FHIT: variants seen among roughly 807,000 people sequenced by gnomAD.
FHIT encodes the protein fragile histidine triad diadenosine triphosphatase, also known as bis(5'-adenosyl)-triphosphatase.
Under a neutral mutation model 17.9 loss-of-function variants are expected in FHIT, and 19 were observed. That is an observed-to-expected ratio of 1.06 (90% CI 0.74 to 1.56). The LOEUF (loss-of-function observed/expected upper bound fraction) is 1.56. Among genes scored for constraint, FHIT ranks in the 40% most tolerant of loss-of-function variants. FHIT has a pLI of 0.00. For missense variants in FHIT, 248 were observed against 189.2 expected (o/e 1.31, Z -1.82); for synonymous variants, 81 against 69.7 (o/e 1.16, Z -0.81).
chr3:60,066,400 T>A lies in FHIT; in HGVS notation c.104-52248A>T, dbSNP rs574446899. ...AAGTGAGTTGATTTTTACTTATTAA[T>A]GTTCTGCTAATTAGAGCACTTTGTC... On this transcript the variant is annotated intron_variant, in intron 5 of 9. Coordinates refer to ENST00000492590, the MANE Select transcript of FHIT (RefSeq NM_002012.4). 1.0e-3 allele frequency among the ~76,000 whole-genome samples: 159 copies of A among 152,282 alleles called. 1 individual carries two copies. Among genetic ancestry groups the A allele is most frequent in the African/African-American group, 1.5e-3 (61 of 41,566 alleles).
At chr3:60,870,952 C>T (rs944078612) in intron 3 of FHIT, among the ~76,000 whole-genome samples, 1 of 152,062 alleles carries the variant, frequency 6.6e-6, no homozygotes, top group African/African-American at 2.4e-5. Context: ...TCAACATGGA[C>T]CCCTTGGAGC....
chr3:60,679,620 T>A (rs1264221566), intron 4 of FHIT, among the ~76,000 whole-genome samples: 4 of 152,136 alleles, frequency 2.6e-5, no homozygotes, highest in Admixed American at 2.6e-4. Context: ...TGACAGATAA[T>A]TTAGAGTACT....
chr3:61,122,202 A>G (rs186377030), intron 2 of FHIT, among the ~76,000 whole-genome samples: 1 of 152,302 alleles, frequency 6.6e-6, no homozygotes, highest in East Asian at 1.9e-4. Context: ...ATAATACCAC[A>G]CATCTACAAC....
chr3:61,201,459 T>C lies in FHIT; in HGVS notation c.-212-794A>G, dbSNP rs549845606. On this transcript the variant is annotated intron_variant, in intron 1 of 9. Coordinates refer to ENST00000492590, the MANE Select transcript of FHIT (RefSeq NM_002012.4). Reference sequence around the variant, plus strand: ...AATGGGAATATGATTCTTTCTCTCATTTTTGGCTAGGTCCTAACATCTCCG... The same window carrying C: ...AATGGGAATATGATTCTTTCTCTCACTTTTGGCTAGGTCCTAACATCTCCG... 3.9e-5 allele frequency among the ~76,000 whole-genome samples: 6 copies of C among 152,258 alleles called. No individual in the cohort carries two copies. The South Asian group carries it at 1.2e-3, about 31-fold the overall frequency.
chr3:60,599,822 A>T (rs782705457), intron 4 of FHIT, among the ~76,000 whole-genome samples: 5 of 151,892 alleles, frequency 3.3e-5, no homozygotes, highest in Non-Finnish European at 7.4e-5. Flanking sequence ...GCCCATCTAA[A>T]CTCCCTTTCT....
intron 2 of FHIT, among the ~76,000 whole-genome samples, chr3:61,179,707 CAAA>C (rs779180597): frequency 2.1e-4 from 6 of 28,990 alleles, no homozygotes; most frequent in Admixed American, 4.1e-4. Flanking sequence ...GACCCTATCT[CAAA>C]AAAAAAAAAA....
At chr3:60,339,406 C>T (rs1293428611) in intron 5 of FHIT, among the ~76,000 whole-genome samples, 1 of 152,162 alleles carries the variant, frequency 6.6e-6, no homozygotes, top group African/African-American at 2.4e-5. Context: ...TCACCTAACA[C>T]ACCCATGGAA....
chr3:60,046,782 A>C (rs1701670924), intron 5 of FHIT, among the ~76,000 whole-genome samples: 1 of 152,218 alleles, frequency 6.6e-6, no homozygotes, highest in African/African-American at 2.4e-5. Flanking sequence ...GTTCTGGAGA[A>C]ATATGTAAAG....
At chr3:60,484,903 C>T (rs188316075) in intron 5 of FHIT, among the ~76,000 whole-genome samples, 2 of 151,982 alleles carry the variant, frequency 1.3e-5, no homozygotes, top group African/African-American at 2.4e-5. Flanking sequence ...TTGCAATCTA[C>T]GCATCTGACA....
At chr3:60,868,837 C>T (rs1360841702) in intron 3 of FHIT, among the ~76,000 whole-genome samples, 2 of 152,166 alleles carry the variant, frequency 1.3e-5, no homozygotes, top group Admixed American at 1.3e-4. Context: ...CAAGTAACAA[C>T]TCAAAGGCCC....
chr3:60,200,315 C>T (rs1478629517), intron 5 of FHIT, among the ~76,000 whole-genome samples: 8 of 152,084 alleles, frequency 5.3e-5, no homozygotes, highest in Admixed American at 5.2e-4. Flanking sequence ...TGTTTGACAG[C>T]CATCTAATGA....
intron 5 of FHIT, among the ~76,000 whole-genome samples, chr3:60,411,660 A>G (rs1702065533): frequency 1.3e-5 from 2 of 152,188 alleles, no homozygotes; most frequent in Non-Finnish European, 1.5e-5. Context: ...TTGGCAGGGT[A>G]AAAACTTAAA....
intron 2 of FHIT, among the ~76,000 whole-genome samples, chr3:61,111,307 T>G (rs1255224411): frequency 1.3e-5 from 2 of 152,234 alleles, no homozygotes; most frequent in African/African-American, 4.8e-5. Context: ...GACTTGGGAT[T>G]TGGAGCTTGA....
chr3:60,292,252 A>C (rs761483671), intron 5 of FHIT, among the ~76,000 whole-genome samples: 66 of 152,148 alleles, frequency 4.3e-4, no homozygotes, highest in Non-Finnish European at 8.5e-4. Context: ...CTGTGTTAAA[A>C]AGTCTTTTTT....
In FHIT at chr3:60,293,046, G is replaced by C. The variant is rs56763822; in HGVS notation, c.103+243814C>G. On this transcript the variant is annotated intron_variant, in intron 5 of 9. Transcript: ENST00000492590. ...GGTTCCCCTGATGCCAATACATATA[G>C]TACATTAAACCCACAGCTTTCAGAG... Among the ~76,000 whole-genome samples, 1,480 of 152,156 alleles carry C rather than the reference G, an allele frequency of 9.7e-3. 25 individuals carry two copies. Among genetic ancestry groups the C allele is most frequent in the African/African-American group, 0.033 (1,377 of 41,512 alleles).
At chr3:60,319,241 GTTCA>G (rs1709307422) in intron 5 of FHIT, among the ~76,000 whole-genome samples, 1 of 152,008 alleles carries the variant, frequency 6.6e-6, no homozygotes, top group South Asian at 2.1e-4. Context: ...CTTAATACTA[GTTCA>G]TTCTTTGTTC....
chr3:60,362,923 A>C (rs565774236), intron 5 of FHIT, among the ~76,000 whole-genome samples: 1 of 152,330 alleles, frequency 6.6e-6, no homozygotes, highest in East Asian at 1.9e-4. Context: ...AATGACCATA[A>C]GCAGCAGAGA....
At chr3:61,014,335 G>T (rs1161126566) in intron 3 of FHIT, among the ~76,000 whole-genome samples, 4 of 152,032 alleles carry the variant, frequency 2.6e-5, no homozygotes, top group African/African-American at 4.8e-5. Context: ...GCTCCTTGCT[G>T]CCTAGAACAG....
At chr3:59,922,250 A>T in intron 8 of FHIT, 96 bp downstream of exon 8, 1 of 1,092,014 alleles carries the variant, frequency 9.2e-7, no homozygotes, top group South Asian at 1.3e-5. Flanking sequence ...ATTCCATTTC[A>T]GACCATATCT....
Sources: allele counts gnomAD v4.1 joint callset (sites outside exome capture counted in the v4.1 genomes callset), GRCh38; gene constraint gnomAD v4.1.1; transcripts MANE v1.5; gene names NCBI Gene and HGNC (gene_info 2026-07-23, HGNC 2026-07-21).